The following PRMT9 variants were observed in gnomAD, a reference collection of about 807,000 sequenced individuals.
The protein encoded by PRMT9 is protein arginine N-methyltransferase 9.
In PRMT9, 59 loss-of-function variants were observed where a neutral mutation model predicts 83.2. That is an observed-to-expected ratio of 0.71 (90% CI 0.57 to 0.88). The LOEUF is 0.88. PRMT9 is among the 40% of genes least tolerant of loss of function. The pLI is 0.00. For synonymous variants in PRMT9, 333 were observed against 353.2 expected (o/e 0.94, Z 0.64); for missense variants, 947 against 1,021.9 (o/e 0.93, Z 1.00).
intron 5 of PRMT9, among the ~76,000 whole-genome samples, chr4:147,669,546 C>G (rs941334051): frequency 1.3e-5 from 2 of 151,864 alleles, no homozygotes; most frequent in Non-Finnish European, 2.9e-5. Flanking sequence ...AAATCAGTAT[C>G]AATACCTACT....
rs1734922568 is a variant in PRMT9 at position 147,661,159 on chromosome 4, T to A, written c.954-121A>T. On this transcript the variant is annotated intron_variant, in intron 6 of 11. Coordinates refer to ENST00000322396, the MANE Select transcript of PRMT9 (RefSeq NM_138364.4). ...GAAATAAAACCTCATGAGCAAAGAT[T>A]TCTTAAACATAACTACATAATACAC... is the stretch of plus-strand genomic sequence containing the variant. 1.1e-5 allele frequency: 8 copies of A among 702,046 alleles called. No individual in the cohort carries two copies. The South Asian group carries it at 1.3e-4, about 11-fold the overall frequency. The allele number at this position is 702,046 out of a possible 1,614,324, so 43.5% of individuals were successfully genotyped here. A position where few individuals can be genotyped will look rare whatever the true frequency, so the allele number is the denominator to read the frequency against.
intron 7 of PRMT9, among the ~76,000 whole-genome samples, chr4:147,659,520 ATTAAAGATCT>A (rs1264341734): frequency 3.3e-5 from 5 of 151,400 alleles, no homozygotes; most frequent in Non-Finnish European, 7.4e-5. Flanking sequence ...AACCTTACCT[ATTAAAGATCT>A]TTAGAGAATT....
intron 5 of PRMT9, 131 bp downstream of exon 5, chr4:147,670,510 A>G (rs1735657936): frequency 2.7e-6 from 2 of 738,796 alleles, no homozygotes; most frequent in Admixed American, 4.2e-5. Flanking sequence ...TTTCTTTCCA[A>G]CCACACAGTA....
At chr4:147,679,957 C>A (rs1560710216) in intron 2 of PRMT9, among the ~76,000 whole-genome samples, 1 of 152,076 alleles carries the variant, frequency 6.6e-6, no homozygotes, top group Non-Finnish European at 1.5e-5. Context: ...TCTGGCATCC[C>A]AAGAGGCAAA....
At chr4:147,650,839 A>AC (rs1560973701) in intron 9 of PRMT9, among the ~76,000 whole-genome samples, 2 of 152,104 alleles carry the variant, frequency 1.3e-5, no homozygotes, top group Non-Finnish European at 2.9e-5. Flanking sequence ...ACGGTGGCTC[A>AC]TGCCTGTAAT....
intron 2 of PRMT9, among the ~76,000 whole-genome samples, chr4:147,674,526 G>C (rs998662361): frequency 6.6e-5 from 10 of 151,928 alleles, no homozygotes; most frequent in African/African-American, 2.4e-4. Flanking sequence ...CAACCCTCTA[G>C]AACAGTGCTT....
chr4:147,673,019 C>A lies in PRMT9; in HGVS notation c.683G>T (p.Gly228Val), dbSNP rs750748145. The change falls in exon 4 of 12, where the codon GGG (glycine) becomes GTG (valine). Residue 228 changes from glycine (G) to valine (V), a missense_variant. Coordinates refer to ENST00000322396, the MANE Select transcript of PRMT9 (RefSeq NM_138364.4). ...TGACTTCGTATGTAAGAGTTTGATCCCTGCTTCCATCTTGTTTGCTGCCAC... is the reference window on the plus strand; with the variant it reads ...TGACTTCGTATGTAAGAGTTTGATCACTGCTTCCATCTTGTTTGCTGCCAC... Reference protein sequence around the residue: ...DVVAANKMEAGIKLLHTKSLD... With the variant: ...DVVAANKMEAVIKLLHTKSLD... The A allele has an allele frequency of 2.5e-6, 4 of 1,613,722 alleles. No homozygotes were observed. The highest frequency in any genetic ancestry group is 3.4e-6 in the Non-Finnish European group (4 of 1,179,830).
In PRMT9 at chr4:147,661,044, G is replaced by A; in HGVS notation, c.954-6C>T. On this transcript the variant is annotated splice_region_variant and splice_polypyrimidine_tract_variant and intron_variant, in intron 6 of 11. Coordinates refer to ENST00000322396, the MANE Select transcript of PRMT9 (RefSeq NM_138364.4). ...CAATGTCCTTAATACCCACTCTGGA[G>A]AGAGAGAAAATAGGGGAGGGGTAGG... 6.3e-7 allele frequency: 1 copy of A among 1,598,208 alleles called. No homozygotes were observed. Among genetic ancestry groups the A allele is most frequent in the South Asian group, 1.1e-5 (1 of 90,704 alleles).
At chr4:147,655,122 A>C (rs1304673810) in intron 8 of PRMT9, among the ~76,000 whole-genome samples, 1 of 152,176 alleles carries the variant, frequency 6.6e-6, no homozygotes, top group Non-Finnish European at 1.5e-5. Context: ...CAAGTCCTAC[A>C]ATAAAGACCA....
intron 10 of PRMT9, among the ~76,000 whole-genome samples, chr4:147,640,578 C>CAAT (rs987598774): frequency 1.3e-5 from 2 of 152,124 alleles, no homozygotes; most frequent in African/African-American, 4.8e-5. Flanking sequence ...AATTCTTACC[C>CAAT]AATTGCTCAG....
At chr4:147,651,221 C>CA (rs1458811180) in intron 9 of PRMT9, among the ~76,000 whole-genome samples, 1 of 151,910 alleles carries the variant, frequency 6.6e-6, no homozygotes, top group Non-Finnish European at 1.5e-5. Flanking sequence ...ACACCATATA[C>CA]AAAAATTAAC....
chr4:147,673,170 G>A (rs756362424), intron 3 of PRMT9, 44 bp from the exon 4 acceptor site: 3 of 1,573,498 alleles, frequency 1.9e-6, no homozygotes, highest in South Asian at 2.2e-5. Flanking sequence ...ATAATCTACT[G>A]TATTTTCTCA....
rs1405790555 is a variant in PRMT9, at chr4:147,674,459, G to A, written c.339-585C>T. On this transcript the variant is annotated intron_variant, in intron 2 of 11. Coordinates refer to ENST00000322396, the MANE Select transcript of PRMT9 (RefSeq NM_138364.4). ...TCAAAGGCAAGTCACTTAAAATTAAGTACTATTTAATTATATGTGAGCAAA... is the reference window on the plus strand; with the variant it reads ...TCAAAGGCAAGTCACTTAAAATTAAATACTATTTAATTATATGTGAGCAAA... 4.0e-5 allele frequency among the ~76,000 whole-genome samples: 6 copies of A among 151,734 alleles called. No homozygotes were observed. The South Asian group carries it at 6.2e-4, about 16-fold the overall frequency.
At chr4:147,679,939 A>G (rs75311580) in intron 2 of PRMT9, among the ~76,000 whole-genome samples, 1,852 of 152,222 alleles carry the variant, frequency 0.012, 27 homozygotes, top group South Asian at 0.035. Context: ...CTTCCCCATG[A>G]GGCTTTCTCT....
chr4:147,664,305 T>C (rs1414318674), intron 6 of PRMT9, among the ~76,000 whole-genome samples: 1 of 152,214 alleles, frequency 6.6e-6, no homozygotes, highest in Non-Finnish European at 1.5e-5. Context: ...AAGATCAAAA[T>C]ATACATATAT....
At chr4:147,682,686 A>G (rs1386462325) in intron 1 of PRMT9, among the ~76,000 whole-genome samples, 1 of 152,224 alleles carries the variant, frequency 6.6e-6, no homozygotes, top group Non-Finnish European at 1.5e-5. Context: ...AAACTAAGAA[A>G]CAAGTAACTG....
chr4:147,657,814 G>A lies in PRMT9; in HGVS notation c.1308C>T (p.Val436=). The A allele has an allele frequency of 1.9e-6, 3 of 1,611,846 alleles. No individual in the cohort carries two copies. Among genetic ancestry groups the A allele is most frequent in the Non-Finnish European group, 2.5e-6 (3 of 1,179,680 alleles). ...PSEETCWEQA[V]YPVQDLADYW... The stretch of plus-strand genomic sequence containing the variant: ...TACCTGCAAGGTCCTGTACGGGGTA[G>A]ACAGCCTGTTCCCAACATGTTTCCT... The change falls in exon 8 of 12, where the codon GTC becomes GTT. Residue 436 remains valine (V), a synonymous_variant. Transcript: ENST00000322396.
At chr4:147,643,308 C>T (rs1256918345) in intron 9 of PRMT9, among the ~76,000 whole-genome samples, 3 of 152,006 alleles carry the variant, frequency 2.0e-5, no homozygotes, top group Non-Finnish European at 4.4e-5. Flanking sequence ...CTTTGTAATC[C>T]CCTACATTGT....
At chr4:147,670,777 A>G (rs766938063) in intron 4 of PRMT9, 34 bp from the exon 5 acceptor site, 3 of 1,318,536 alleles carry the variant, frequency 2.3e-6, no homozygotes, top group Non-Finnish European at 3.3e-6. Context: ...ATATGTAAGT[A>G]AAATATCATG....
Sources: allele counts gnomAD v4.1 joint callset (sites outside exome capture counted in the v4.1 genomes callset), GRCh38; gene constraint gnomAD v4.1.1; transcripts MANE v1.5; gene names NCBI Gene and HGNC (gene_info 2026-07-23, HGNC 2026-07-21).